CDH13: variants seen among roughly 807,000 people sequenced by gnomAD.
CDH13 encodes cadherin 13, also known as cadherin-13.
In CDH13, 24 loss-of-function variants were observed where a neutral mutation model predicts 63.8. The observed-to-expected ratio is 0.38, with a 90% CI of 0.27 to 0.53. CDH13 has a LOEUF of 0.53. Among genes scored for constraint, CDH13 ranks in the 20% least tolerant of loss-of-function variants. The pLI is 0.85. For synonymous variants in CDH13, 503 were observed against 355.3 expected (o/e 1.42, Z -4.67); for missense variants, 1,049 against 903.1 (o/e 1.16, Z -2.07).
chr16:82,735,339 C>T (rs1214944157), intron 1 of CDH13, among the ~76,000 whole-genome samples: 2 of 152,190 alleles, frequency 1.3e-5, no homozygotes, highest in Non-Finnish European at 2.9e-5. Flanking sequence ...AGCTGTCACA[C>T]CAGACAGGGC....
chr16:83,413,238 A>G (rs750733922), intron 6 of CDH13, among the ~76,000 whole-genome samples: 1 of 152,206 alleles, frequency 6.6e-6, no homozygotes, highest in Non-Finnish European at 1.5e-5. Flanking sequence ...AAATTTTGTA[A>G]TGCACATTCT....
intron 7 of CDH13, among the ~76,000 whole-genome samples, chr16:83,574,419 G>C (rs918093977): frequency 5.3e-5 from 8 of 152,164 alleles, no homozygotes; most frequent in Non-Finnish European, 1.2e-4. Context: ...TTCTCTTGAA[G>C]CCTGTGCCTC....
intron 1 of CDH13, among the ~76,000 whole-genome samples, chr16:82,848,385 C>T (rs760452975): frequency 1.6e-4 from 25 of 152,200 alleles, no homozygotes; most frequent in Non-Finnish European, 3.4e-4. Flanking sequence ...TTTGTAGGAT[C>T]AGCTTTCACC....
At chr16:83,562,142 T>G (rs138637192) in intron 7 of CDH13, among the ~76,000 whole-genome samples, 1 of 152,038 alleles carries the variant, frequency 6.6e-6, no homozygotes, top group African/African-American at 2.4e-5. Flanking sequence ...CTTGTAAGGG[T>G]CTCATCTTGT....
intron 6 of CDH13, among the ~76,000 whole-genome samples, chr16:83,443,634 G>C (rs1473537481): frequency 6.7e-6 from 1 of 149,100 alleles, no homozygotes; most frequent in Non-Finnish European, 1.5e-5. Flanking sequence ...ACTTAGGCAG[G>C]CTGAGGCAGG....
chr16:83,127,535 T>C (rs1417479252), intron 4 of CDH13, among the ~76,000 whole-genome samples: 1 of 152,032 alleles, frequency 6.6e-6, no homozygotes, highest in Non-Finnish European at 1.5e-5. Flanking sequence ...TTCAAGACCA[T>C]CCTGGCCAAC....
At chr16:83,362,818 TC>T (rs1197097694) in intron 6 of CDH13, among the ~76,000 whole-genome samples, 1 of 152,178 alleles carries the variant, frequency 6.6e-6, no homozygotes. Flanking sequence ...TCAGTCCTGC[TC>T]CCCAGCCAAG....
intron 6 of CDH13, among the ~76,000 whole-genome samples, chr16:83,470,082 C>T (rs1472120943): frequency 6.6e-6 from 1 of 152,188 alleles, no homozygotes; most frequent in African/African-American, 2.4e-5. Flanking sequence ...TGCAGCTCTC[C>T]TGGGCTCTTA....
intron 8 of CDH13, among the ~76,000 whole-genome samples, chr16:83,659,775 A>C (rs1489754467): frequency 6.8e-6 from 1 of 147,510 alleles, no homozygotes; most frequent in Admixed American, 6.8e-5. Context: ...TTAGAGCAGC[A>C]GTCCACAACC....
At chr16:82,749,434 G>C (rs957913465) in intron 1 of CDH13, among the ~76,000 whole-genome samples, 1 of 152,204 alleles carries the variant, frequency 6.6e-6, no homozygotes, top group Non-Finnish European at 1.5e-5. Context: ...CGTGACAGGA[G>C]TGGGGCAGGA....
intron 10 of CDH13, among the ~76,000 whole-genome samples, chr16:83,738,635 T>A (rs1296649906): frequency 6.6e-6 from 1 of 152,130 alleles, no homozygotes; most frequent in African/African-American, 2.4e-5. Context: ...GGGCCAGGTG[T>A]GGTGGCTCAA....
At chr16:83,182,205 T>G (rs1223694934) in intron 4 of CDH13, among the ~76,000 whole-genome samples, 2 of 152,250 alleles carry the variant, frequency 1.3e-5, no homozygotes, top group African/African-American at 4.8e-5. Context: ...TGCCTCCTGC[T>G]AGTCACGCCT....
rs532398280 is a variant in CDH13 at position 83,558,277 on chromosome 16, C to T, written c.961-44177C>T. ...TTGTAGTGGTAAGATTGGATCAGCG[C>T]GGTACCAGTTAGCAGAGAGGGATGA... On this transcript the variant is annotated intron_variant, in intron 7 of 13. Coordinates refer to ENST00000567109, the MANE Select transcript of CDH13 (RefSeq NM_001257.5). Among the ~76,000 whole-genome samples, 6 of 152,200 alleles carry T rather than the reference C, an allele frequency of 3.9e-5. No homozygotes were observed. The South Asian group carries it at 6.2e-4, about 16-fold the overall frequency.
chr16:83,459,412 A>C (rs2073116151), intron 6 of CDH13, among the ~76,000 whole-genome samples: 1 of 152,210 alleles, frequency 6.6e-6, no homozygotes, highest in Non-Finnish European at 1.5e-5. Context: ...CCTTAACCTC[A>C]CACTTCAGAA....
intron 2 of CDH13, among the ~76,000 whole-genome samples, chr16:82,917,251 C>T (rs532927731): frequency 6.6e-6 from 1 of 152,330 alleles, no homozygotes; most frequent in South Asian, 2.1e-4. Flanking sequence ...GTGCAAAAGC[C>T]TGACCATGCT....
chr16:83,334,660 G>A (rs13337607), intron 5 of CDH13, among the ~76,000 whole-genome samples: 60,599 of 151,996 alleles, frequency 0.4, 12,520 homozygotes, highest in Admixed American at 0.46. Flanking sequence ...ACAGGCATGA[G>A]CCACCATACC....
At chr16:83,064,671 A>G (rs1236336178) in intron 3 of CDH13, among the ~76,000 whole-genome samples, 1 of 152,128 alleles carries the variant, frequency 6.6e-6, no homozygotes, top group African/African-American at 2.4e-5. Flanking sequence ...AGACTAGCCA[A>G]TTTCTTTTTG....
chr16:82,755,883 C>G (rs1449986770), intron 1 of CDH13, among the ~76,000 whole-genome samples: 1 of 152,098 alleles, frequency 6.6e-6, no homozygotes, highest in Non-Finnish European at 1.5e-5. Context: ...TGAACACAAT[C>G]AAGAAAATAT....
chr16:83,079,677 A>T (rs1431942264), intron 3 of CDH13, among the ~76,000 whole-genome samples: 2 of 152,226 alleles, frequency 1.3e-5, no homozygotes, highest in Non-Finnish European at 2.9e-5. Flanking sequence ...TATAAATAAA[A>T]GATTGGAGAA....
Sources: gnomAD v4.1 joint callset for allele counts (sites outside exome capture counted in the v4.1 genomes callset) on GRCh38, gnomAD v4.1.1 for gene constraint, MANE v1.5 for transcripts, NCBI Gene and HGNC (gene_info 2026-07-23, HGNC 2026-07-21) for gene names.